GLI3: variants seen among roughly 807,000 people sequenced by gnomAD.
GLI3 encodes transcription activator GLI3.
In GLI3, 20 loss-of-function variants were observed where a neutral mutation model predicts 100.8. The ratio of observed to expected loss-of-function variants is 0.20; its 90% CI spans 0.14 to 0.29. GLI3 has a LOEUF of 0.29. Ranked by LOEUF, GLI3 falls within the 10% of genes least tolerant of loss-of-function variation. GLI3 has a pLI of 1.00. For missense variants in GLI3, 2,040 were observed against 2,128.5 expected (o/e 0.96, Z 0.82); for synonymous variants, 938 against 860.5 (o/e 1.09, Z -1.58).
chr7:41,975,146 C>G (rs145705000), intron 12 of GLI3, among the ~76,000 whole-genome samples: 38 of 152,314 alleles, frequency 2.5e-4, no homozygotes, highest in Admixed American at 5.9e-4. Flanking sequence ...GAAGTCCTGT[C>G]AGAGCTACGG....
At chr7:42,001,380 C>A (rs1159650980) in intron 10 of GLI3, among the ~76,000 whole-genome samples, 2 of 151,882 alleles carry the variant, frequency 1.3e-5, no homozygotes, top group Non-Finnish European at 2.9e-5. Context: ...AGGAGGCCAA[C>A]CTGACCATAT....
chr7:42,166,650 C>CTTTT (rs1203814510), intron 2 of GLI3, among the ~76,000 whole-genome samples: 1 of 80,244 alleles, frequency 1.2e-5, no homozygotes, highest in Non-Finnish European at 2.2e-5. Flanking sequence ...GTTCTGATTC[C>CTTTT]TTTTTTTTTT....
intron 3 of GLI3, among the ~76,000 whole-genome samples, chr7:42,088,895 T>C (rs1215323785): frequency 6.6e-6 from 1 of 152,196 alleles, no homozygotes; most frequent in Non-Finnish European, 1.5e-5. Flanking sequence ...CACTTCCGCT[T>C]CTGCAGCCTC....
At chr7:42,210,822 G>A (rs1019042) in intron 2 of GLI3, among the ~76,000 whole-genome samples, 42,542 of 151,854 alleles carry the variant, frequency 0.28, 7,043 homozygotes, top group Middle Eastern at 0.46. Flanking sequence ...ATAGGTACGT[G>A]TAGGACCATG....
At chr7:42,250,464 T>C (rs919964671) in intron 1 of GLI3, among the ~76,000 whole-genome samples, 1 of 152,160 alleles carries the variant, frequency 6.6e-6, no homozygotes, top group African/African-American at 2.4e-5. Flanking sequence ...TCCAGAGCCT[T>C]CCACAGCTGT....
chr7:42,244,516 T>G (rs1397782147), intron 1 of GLI3, among the ~76,000 whole-genome samples: 1 of 152,172 alleles, frequency 6.6e-6, no homozygotes, highest in Non-Finnish European at 1.5e-5. Context: ...CTTGTTAACT[T>G]GAATTAATAG....
intron 10 of GLI3, among the ~76,000 whole-genome samples, chr7:42,006,110 C>A (rs1044486682): frequency 6.6e-6 from 1 of 152,148 alleles, no homozygotes; most frequent in Non-Finnish European, 1.5e-5. Flanking sequence ...AGAACAAATT[C>A]TAAACTAGAA....
At chr7:42,124,724 A>C (rs1340046553) in intron 3 of GLI3, among the ~76,000 whole-genome samples, 1 of 152,236 alleles carries the variant, frequency 6.6e-6, no homozygotes, top group African/African-American at 2.4e-5. Flanking sequence ...TCAACTAAAA[A>C]TTCAAAGTGT....
rs542498472 is a variant in GLI3, at chr7:42,026,576, A to G, written c.1029-164T>C. Among the ~76,000 whole-genome samples the G allele has an allele frequency of 7.2e-5, 11 of 152,394 alleles. 1 individual carries two copies. The highest frequency in any genetic ancestry group is 4.1e-4 in the South Asian group (2 of 4,832). ...AGCATCTTGAAAACTTCTAAGAGAAAGATGAACACTGAGATGAGACACACA... is the reference window on the plus strand; with the variant it reads ...AGCATCTTGAAAACTTCTAAGAGAAGGATGAACACTGAGATGAGACACACA... On this transcript the variant is annotated intron_variant, in intron 7 of 14. Transcript: ENST00000395925.
chr7:42,012,657 T>G (rs776710673), intron 10 of GLI3, among the ~76,000 whole-genome samples: 1 of 152,126 alleles, frequency 6.6e-6, no homozygotes, highest in African/African-American at 2.4e-5. Context: ...TCTGGACTGA[T>G]AACAAGAATA....
intron 3 of GLI3, among the ~76,000 whole-genome samples, chr7:42,100,455 G>A (rs1785434868): frequency 6.6e-6 from 1 of 152,120 alleles, no homozygotes; most frequent in African/African-American, 2.4e-5. Flanking sequence ...GGGATCTGTG[G>A]CTGGGCGTGG....
intron 2 of GLI3, among the ~76,000 whole-genome samples, chr7:42,174,358 G>A (rs1259743837): frequency 6.6e-6 from 1 of 152,110 alleles, no homozygotes; most frequent in Non-Finnish European, 1.5e-5. Flanking sequence ...TCCTGACTTT[G>A]TTTACTGAGA....
chr7:42,071,796 G>C (rs1016669728), intron 4 of GLI3, among the ~76,000 whole-genome samples: 5 of 152,164 alleles, frequency 3.3e-5, no homozygotes, highest in Admixed American at 6.5e-5. Flanking sequence ...ACGGGGGCGA[G>C]GCCTTACCTA....
In GLI3 at chr7:41,968,721, A is replaced by AAAGAAAG. The variant is rs1787264824; in HGVS notation, c.2104-805_2104-799dup. 4.7e-4 allele frequency among the ~76,000 whole-genome samples: 49 copies of AAAGAAAG among 103,246 alleles called. 2 individuals carry two copies. The highest frequency in any genetic ancestry group is 2.2e-3 in the African/African-American group (47 of 20,900). 67.7% of individuals were successfully genotyped at this position (103,246 alleles called of 152,430 possible). On this transcript the variant is annotated intron_variant, in intron 13 of 14. Transcript: ENST00000395925. Reference sequence around the variant, plus strand: ...AGAAAGAAAGAAAGAAAGAAGAAAGAAAGAAAGAAAGAAAGAAAGAAAGAA... The same window carrying AAAGAAAG: ...AGAAAGAAAGAAAGAAAGAAGAAAGAAAGAAAGAAGAAAGAAAGAAAGAAAGAAAGAA...
rs1021772969 is a variant in GLI3, at chr7:41,965,367, C to T, written c.3706G>A (p.Gly1236Arg). 2.5e-6 allele frequency: 4 copies of T among 1,613,112 alleles called. No individual in the cohort carries two copies. The African/African-American group carries it at 4.0e-5, about 16-fold the overall frequency. The change falls in exon 15 of 15, where the codon GGA (glycine) becomes AGA (arginine). Residue 1236 changes from glycine (G) to arginine (R), a missense_variant. Physicochemically the swap from Gly to Arg is moderately radical, Grantham distance 125. Transcript: ENST00000395925. ...AAGGCGTTTCCACTGGTGCCACTTC[C>T]GGGGCTGTTGTGGAGCATCAAGTGC... ...PEHLMLHNSP[G>R]SGTSGNAFHE...
At chr7:42,217,285 G>T (rs6955604) in intron 2 of GLI3, among the ~76,000 whole-genome samples, 2 of 151,866 alleles carry the variant, frequency 1.3e-5, no homozygotes, top group Admixed American at 6.6e-5. Context: ...TTTCAAGCCT[G>T]GCTGACCACA....
At position 42,253,872 on chromosome 7, in the gene GLI3, C is replaced by CT. The variant is rs569689431; in HGVS notation, c.-43+10121dup. 6.6e-5 allele frequency among the ~76,000 whole-genome samples: 10 copies of CT among 152,132 alleles called. No individual in the cohort carries two copies. The South Asian group carries it at 8.3e-4, about 13-fold the overall frequency. ...TTGTTGAGATCTTTACCCTCCAAGT[C>CT]TTTTTTTGGGATTTTCTTAAGGCAA... On this transcript the variant is annotated intron_variant, in intron 1 of 2. Transcript: ENST00000678978.
intron 1 of GLI3, among the ~76,000 whole-genome samples, chr7:42,234,324 C>T (rs1334502459): frequency 6.6e-6 from 1 of 152,148 alleles, no homozygotes; most frequent in Non-Finnish European, 1.5e-5. Context: ...GGATACCTTA[C>T]ATAGGAGGAA....
intron 2 of GLI3, among the ~76,000 whole-genome samples, chr7:42,167,193 T>C (rs768248712): frequency 6.6e-6 from 1 of 152,120 alleles, no homozygotes; most frequent in Non-Finnish European, 1.5e-5. Context: ...GATATTGCTA[T>C]TCATCAACTT....
Sources: allele counts gnomAD v4.1 joint callset (sites outside exome capture counted in the v4.1 genomes callset), GRCh38; gene constraint gnomAD v4.1.1; transcripts MANE v1.5; gene names NCBI Gene and HGNC (gene_info 2026-07-23, HGNC 2026-07-21).